MORC1: variants seen among roughly 807,000 people sequenced by gnomAD.
MORC1 encodes the protein MORC family CW-type zinc finger protein 1.
A neutral mutation model predicts 134.9 loss-of-function variants in MORC1; 59 were observed. The ratio of observed to expected loss-of-function variants is 0.44; its 90% confidence interval spans 0.35 to 0.54. The LOEUF (loss-of-function observed/expected upper bound fraction) is 0.54, where lower values mean the gene tolerates loss of function less well. Ranked by LOEUF, MORC1 falls within the 20% of genes least tolerant of loss-of-function variation. The probability of loss-of-function intolerance (pLI) is 0.00; values close to 1 mark genes in which losing one functional copy is unlikely to be tolerated. For synonymous variants in MORC1, 395 were observed against 391.7 expected (o/e 1.01, Z -0.10); for missense variants, 947 against 1,134.5 (o/e 0.83, Z 2.37).
chr3:109,002,611 A>T (rs916376939), intron 20 of MORC1, among the ~76,000 whole-genome samples: 18 of 152,232 alleles, frequency 1.2e-4, no homozygotes, highest in Admixed American at 1.2e-3. Context: ...GGTAAGAAAG[A>T]GTCCCAGGCT....
In MORC1 at chr3:108,979,678, T is replaced by C. The variant is rs375153053; in HGVS notation, c.2325-11A>G. ...GGCACATTGAGCAAGCTGAGGTTTG[T>C]CATTTCAAAGTAGAAATCATGTTAG... On this transcript the variant is annotated splice_polypyrimidine_tract_variant and intron_variant, in intron 23 of 27. Coordinates refer to ENST00000232603, the MANE Select transcript of MORC1 (RefSeq NM_014429.4). The C allele has an allele frequency of 1.2e-6, 2 of 1,610,662 alleles. No homozygotes were observed. Among genetic ancestry groups the C allele is most frequent in the Non-Finnish European group, 8.5e-7 (1 of 1,178,632 alleles).
At chr3:109,007,693 A>G (rs1184163645) in intron 17 of MORC1, among the ~76,000 whole-genome samples, 3 of 152,126 alleles carry the variant, frequency 2.0e-5, no homozygotes, top group Admixed American at 1.3e-4. Flanking sequence ...GTCTCCTCCA[A>G]TTCCCCAAGG....
chr3:109,015,079 G>C lies in MORC1; in HGVS notation c.1705-7988C>G, dbSNP rs541642803. 4.4e-4 allele frequency among the ~76,000 whole-genome samples: 67 copies of C among 152,022 alleles called. 1 individual carries two copies. The South Asian group carries it at 0.014, about 31-fold the overall frequency. ...TTGTTCGTATTTTTAGTAGAGACGG[G>C]GTTTCACCATGTTAGCCAGGTTTCG... On this transcript the variant is annotated intron_variant, in intron 17 of 27. Coordinates refer to ENST00000232603, the MANE Select transcript of MORC1 (RefSeq NM_014429.4).
At chr3:109,015,640 T>C (rs531625853) in intron 17 of MORC1, among the ~76,000 whole-genome samples, 128 of 152,356 alleles carry the variant, frequency 8.4e-4, no homozygotes, top group African/African-American at 2.8e-3. Context: ...TCTTTCAGGA[T>C]TATTATCAAT....
intron 8 of MORC1, among the ~76,000 whole-genome samples, chr3:109,072,932 T>TC (rs1950347667): frequency 8.6e-6 from 1 of 115,660 alleles, no homozygotes; most frequent in African/African-American, 4.1e-5. Flanking sequence ...ACAATCTCCC[T>TC]CAACACACAC....
intron 14 of MORC1, among the ~76,000 whole-genome samples, chr3:109,040,412 G>A (rs992193690): frequency 1.7e-4 from 4 of 24,158 alleles, no homozygotes; most frequent in South Asian, 1.9e-3. Flanking sequence ...GAGAAGGAAG[G>A]AAGGAAGGAA....
intron 15 of MORC1, among the ~76,000 whole-genome samples, chr3:109,033,310 AAGGAAGGAAGGAAGGAAG>A (rs1301820862): frequency 6.7e-6 from 1 of 148,990 alleles, no homozygotes; most frequent in Non-Finnish European, 1.5e-5. Context: ...GGAAGGAAGG[AAGGAAGGAAGGAAGGAAG>A]GAAGGAAGGA....
At chr3:108,986,859 C>T in intron 22 of MORC1, 21 bp downstream of exon 22, 3 of 1,406,620 alleles carry the variant, frequency 2.1e-6, no homozygotes, top group Admixed American at 2.3e-5. Flanking sequence ...TATATATATA[C>T]ATGAGCTGAT....
intron 17 of MORC1, among the ~76,000 whole-genome samples, chr3:109,025,379 CTTTTTTTTTTTTTTTTTTTTTTTT>C (rs63701060): frequency 9.5e-6 from 1 of 105,100 alleles, no homozygotes; most frequent in Admixed American, 1.1e-4. Context: ...TTTCTTTTTT[CTTTTTTTTTTTTTTTTTTTTTTTT>C]TTGAGACAGA....
At chr3:109,048,971 T>C (rs1290213755) in intron 14 of MORC1, 3 of 175,202 alleles carry the variant, frequency 1.7e-5, no homozygotes, top group Non-Finnish European at 3.4e-5. Flanking sequence ...AAAAGTAATA[T>C]AAAATATAAT....
rs1053182987 is a variant in MORC1, at chr3:108,979,379, G to C, written c.2477+136C>G. 9.7e-5 allele frequency: 93 copies of C among 954,740 alleles called. No homozygotes were observed. In the East Asian group the frequency reaches 2.2e-3, roughly 23 times the overall value. The allele number at this position is 954,740 out of a possible 1,614,324, so 59.1% of individuals were successfully genotyped here. ...CCCATAGTATATCTAAATCAGCATAGTTAGGAGACAAGTCATAATGTCACT... is the reference window on the plus strand; with the variant it reads ...CCCATAGTATATCTAAATCAGCATACTTAGGAGACAAGTCATAATGTCACT... On this transcript the variant is annotated intron_variant, in intron 24 of 27. Transcript: ENST00000232603.
intron 20 of MORC1, among the ~76,000 whole-genome samples, chr3:109,001,151 G>T (rs1309230934): frequency 6.6e-6 from 1 of 151,132 alleles, no homozygotes; most frequent in Non-Finnish European, 1.5e-5. Flanking sequence ...TATTTTTTTT[G>T]AGATGGAGTT....
chr3:109,084,666 A>C (rs2107740713), intron 8 of MORC1, among the ~76,000 whole-genome samples: 1 of 152,272 alleles, frequency 6.6e-6, no homozygotes, highest in East Asian at 1.9e-4. Flanking sequence ...ATTTATATGG[A>C]ACCACAGAAG....
chr3:108,973,951 C>T (rs1947472744), intron 24 of MORC1, among the ~76,000 whole-genome samples: 1 of 152,130 alleles, frequency 6.6e-6, no homozygotes, highest in South Asian at 2.1e-4. Flanking sequence ...CTATCATTTT[C>T]TACACATAGT....
intron 2 of MORC1, among the ~76,000 whole-genome samples, chr3:109,112,450 TC>T (rs1377597458): frequency 6.6e-6 from 1 of 152,242 alleles, no homozygotes; most frequent in African/African-American, 2.4e-5. Flanking sequence ...CAACTCAGTA[TC>T]TTAAGTCTGT....
At position 109,063,195 on chromosome 3, in the gene MORC1, T is replaced by C; in HGVS notation, c.852A>G (p.Ala284=). The C allele has an allele frequency of 1.2e-6, 2 of 1,601,728 alleles. No homozygotes were observed. Among genetic ancestry groups the C allele is most frequent in the Non-Finnish European group, 1.7e-6 (2 of 1,169,998 alleles). The change falls in exon 10 of 28, where the codon GCA becomes GCG. Residue 284 remains alanine (A), a synonymous_variant. Transcript: ENST00000232603. ...YLYVTSSFKG[A]FKDEVKKAEE... is the part of the protein sequence containing the mutation. The stretch of plus-strand genomic sequence containing the variant: ...CTGCCTTTTTAACTTCATCTTTAAA[T>C]GCTCCTTTAAAAGAAGATGTGACAT...
chr3:109,005,228 T>C lies in MORC1; in HGVS notation c.1855A>G (p.Arg619Gly). ...LSSFELSASRRGQKRNIEETD... is the reference protein window; with the variant it reads ...LSSFELSASRGGQKRNIEETD... ...TCTTCTATGTTTCTTTTCTGTCCTC[T>C]ACGGCTCGCTGAAAGCTCAAAGGAT... Residue 619 changes from arginine (R) to glycine (G), a missense_variant, in exon 19 of 28, where the codon AGA (arginine) becomes GGA (glycine). Transcript: ENST00000232603. The C allele has an allele frequency of 3.1e-6, 5 of 1,613,966 alleles. No individual in the cohort carries two copies. Among genetic ancestry groups the C allele is most frequent in the Non-Finnish European group, 4.2e-6 (5 of 1,179,972 alleles).
chr3:109,100,810 T>C (rs1433876519), intron 4 of MORC1, among the ~76,000 whole-genome samples: 1 of 152,248 alleles, frequency 6.6e-6, no homozygotes, highest in East Asian at 1.9e-4. Context: ...TTTGTCATTA[T>C]TCTCTAAACA....
chr3:109,010,896 C>T (rs12487290), intron 17 of MORC1, among the ~76,000 whole-genome samples: 72,461 of 152,084 alleles, frequency 0.48, 20,409 homozygotes, highest in East Asian at 0.91. Context: ...TTTGTCCTTT[C>T]GCCTTTTGAT....
Sources: gnomAD v4.1 joint callset for allele counts (sites outside exome capture counted in the v4.1 genomes callset) on GRCh38, gnomAD v4.1.1 for gene constraint, MANE v1.5 for transcripts, NCBI Gene and HGNC (gene_info 2026-07-23, HGNC 2026-07-21) for gene names.